TFAP2D: variants seen among roughly 807,000 people sequenced by gnomAD.
The protein encoded by TFAP2D is transcription factor AP-2 delta, also known as transcription factor AP-2-delta.
A neutral mutation model predicts 43.6 loss-of-function variants in TFAP2D; 9 were observed. That is an observed-to-expected ratio of 0.21 (90% confidence interval 0.12 to 0.36). The LOEUF (loss-of-function observed/expected upper bound fraction) is 0.36, where lower values mean the gene tolerates loss of function less well. Ranked by LOEUF, TFAP2D falls within the 10% of genes least tolerant of loss-of-function variation. The pLI is 1.00. For missense variants in TFAP2D, 513 were observed against 561.4 expected, an observed-to-expected ratio of 0.91 and a Z score of 0.87; for synonymous variants, 256 against 224.9, an observed-to-expected ratio of 1.14 and a Z score of -1.24.
At chr6:50,718,160 C>G (rs1768657869) in intron 2 of TFAP2D, 1 of 151,362 alleles carries the variant, frequency 6.6e-6, no homozygotes, top group African/African-American at 2.4e-5. Flanking sequence ...CACTTTAAGG[C>G]AGAACATTTA....
intron 4 of TFAP2D, 40 bp from the exon 5 acceptor site, chr6:50,729,154 G>A: frequency 6.2e-7 from 1 of 1,608,848 alleles, no homozygotes; most frequent in Non-Finnish European, 8.5e-7. Context: ...TCATCAGAAT[G>A]TGAAATTTCA....
intron 7 of TFAP2D, among the ~76,000 whole-genome samples, chr6:50,759,501 T>G (rs1236216389): frequency 1.3e-5 from 2 of 152,108 alleles, no homozygotes; most frequent in African/African-American, 2.4e-5. Context: ...CTGCTTTTTA[T>G]GTTTTCTCAA....
At chr6:50,753,614 AGT>A (rs71850386) in intron 7 of TFAP2D, among the ~76,000 whole-genome samples, 46,018 of 151,598 alleles carry the variant, frequency 0.3, 7,138 homozygotes, top group East Asian at 0.43. Flanking sequence ...TGAAAAAGAA[AGT>A]GAGATTATAT....
chr6:50,750,286 C>T (rs1309951455), intron 6 of TFAP2D, among the ~76,000 whole-genome samples: 3 of 151,764 alleles, frequency 2.0e-5, no homozygotes, highest in Non-Finnish European at 2.9e-5. Context: ...TACATTTTTG[C>T]GACTGCCCAT....
rs1768570811 is a variant in TFAP2D, at chr6:50,713,976, T to C, written c.-80T>C. 3.1e-6 allele frequency: 5 copies of C among 1,588,686 alleles called. No homozygotes were observed. Among genetic ancestry groups the C allele is most frequent in the Non-Finnish European group, 4.3e-6 (5 of 1,162,460 alleles). On this transcript the variant is annotated 5_prime_UTR_variant, in exon 1 of 8. Transcript: ENST00000008391. ...TTTTTTTCCTTTAAAAATTGGAAAA[T>C]ACAAGAAGTTTGGATTTTTTTTTCC...
At chr6:50,766,188 TTG>T (rs1769438758) in intron 7 of TFAP2D, among the ~76,000 whole-genome samples, 1 of 152,204 alleles carries the variant, frequency 6.6e-6, no homozygotes, top group African/African-American at 2.4e-5. Flanking sequence ...ATATGAGGGT[TTG>T]TTTCTAGACT....
In TFAP2D at chr6:50,715,266, C is replaced by A; in HGVS notation, c.190C>A (p.His64Asn). 2 of 1,613,998 alleles carry A rather than the reference C, an allele frequency of 1.2e-6. No homozygotes were observed. Among genetic ancestry groups the A allele is most frequent in the Non-Finnish European group, 8.5e-7 (1 of 1,179,970 alleles). ...TGCGTCCCCCTACTTCTCCACTAAC[C>A]ACCAGTACACCCCGCTCCACCACCA... ...EFASPYFSTN[H>N]QYTPLHHQSF... The change falls in exon 2 of 8, where the codon CAC (histidine) becomes AAC (asparagine). Residue 64 changes from histidine (H) to asparagine (N), a missense_variant. By Grantham distance (68) the His-to-Asn change is moderately conservative. Coordinates refer to ENST00000008391, the MANE Select transcript of TFAP2D (RefSeq NM_172238.4).
Position 50,715,478 on chromosome 6 carries a change from G to A in TFAP2D, c.402G>A (p.Leu134=), listed in dbSNP as rs750234991. ...GCCTGGACGAGCAGAGGCGGGAGCT[G>A]GGCTGCCTCGATGCCTACCGCCGCC... ...SSCLDEQRRE[L]GCLDAYRRHD... Residue 134 remains leucine, a synonymous_variant, in exon 2 of 8, where the codon CTG becomes CTA. Transcript: ENST00000008391. The A allele has an allele frequency of 1.2e-6, 2 of 1,613,912 alleles. No homozygotes were observed. Among genetic ancestry groups the A allele is most frequent in the South Asian group, 2.2e-5 (2 of 91,076 alleles).
intron 7 of TFAP2D, among the ~76,000 whole-genome samples, chr6:50,752,124 T>G (rs1769208634): frequency 6.6e-6 from 1 of 151,912 alleles, no homozygotes; most frequent in Admixed American, 6.6e-5. Context: ...GGTTCTTAAG[T>G]TAGACCACAC....
intron 6 of TFAP2D, among the ~76,000 whole-genome samples, chr6:50,750,705 T>C (rs956557054): frequency 1.1e-4 from 16 of 151,964 alleles, no homozygotes; most frequent in Non-Finnish European, 2.4e-4. Flanking sequence ...AAATTACTGG[T>C]GATTATCTGC....
At chr6:50,718,717 C>A (rs1185666315) in intron 2 of TFAP2D, among the ~76,000 whole-genome samples, 1 of 152,140 alleles carries the variant, frequency 6.6e-6, no homozygotes, top group Non-Finnish European at 1.5e-5. Flanking sequence ...ACTTGACACT[C>A]TAGGTGTAAT....
chr6:50,734,323 T>C (rs1307136944), intron 5 of TFAP2D, among the ~76,000 whole-genome samples: 1 of 152,060 alleles, frequency 6.6e-6, no homozygotes, highest in Non-Finnish European at 1.5e-5. Context: ...GACTGGTTAC[T>C]TAACCTAGCT....
In TFAP2D at chr6:50,715,559, A is replaced by T. The variant is rs1327142161; in HGVS notation, c.483A>T (p.Arg161Ser). The T allele has an allele frequency of 2.5e-6, 4 of 1,607,904 alleles. No homozygotes were observed. Among genetic ancestry groups the T allele is most frequent in the African/African-American group, 2.7e-5 (2 of 74,516 alleles). The change falls in exon 2 of 8, where the codon AGA becomes AGT. Residue 161 changes from arginine to serine, a missense_variant. Arg to Ser is a moderately radical substitution (Grantham distance 110, BLOSUM62 -1). Around this residue, in one of 3 missense-constraint regions of TFAP2D, gnomAD observed 311 missense variants for 316.2 expected, o/e 0.98. Coordinates refer to ENST00000008391, the MANE Select transcript of TFAP2D (RefSeq NM_172238.4). ...GSQYGMHPDQ[R>S]LLPGPSLGLA... The stretch of plus-strand genomic sequence containing the variant: ...AGTATGGAATGCACCCAGATCAAAG[A>T]CTCCTGCCAGGGCCCAGCCTGGGGC...
intron 7 of TFAP2D, among the ~76,000 whole-genome samples, chr6:50,759,007 A>G (rs539295005): frequency 2.0e-5 from 3 of 151,984 alleles, no homozygotes; most frequent in Non-Finnish European, 4.4e-5. Flanking sequence ...AGGGCTTTTG[A>G]TGAATTTTTA....
At chr6:50,770,040 A>T (rs1256710243) in intron 7 of TFAP2D, among the ~76,000 whole-genome samples, 1 of 152,200 alleles carries the variant, frequency 6.6e-6, no homozygotes, top group Non-Finnish European at 1.5e-5. Context: ...AAGAAAATTT[A>T]AAAAGGAGCT....
chr6:50,745,605 TA>T (rs1769114789), intron 6 of TFAP2D, among the ~76,000 whole-genome samples: 1 of 152,122 alleles, frequency 6.6e-6, no homozygotes, highest in African/African-American at 2.4e-5. Flanking sequence ...TTTGCCTTAA[TA>T]AATGAGGGTA....
intron 5 of TFAP2D, among the ~76,000 whole-genome samples, chr6:50,739,074 C>CT (rs962934616): frequency 2.6e-5 from 4 of 152,126 alleles, no homozygotes; most frequent in African/African-American, 7.2e-5. Context: ...GGGTGAAACA[C>CT]TTTTTTTTCT....
intron 6 of TFAP2D, among the ~76,000 whole-genome samples, chr6:50,745,911 A>G (rs1769119562): frequency 6.6e-6 from 1 of 152,174 alleles, no homozygotes; most frequent in Admixed American, 6.6e-5. Flanking sequence ...GAAAGGGGGA[A>G]GCTTGCATAA....
At chr6:50,722,765 G>A (rs762989239) in intron 3 of TFAP2D, among the ~76,000 whole-genome samples, 12 of 151,332 alleles carry the variant, frequency 7.9e-5, no homozygotes, top group Non-Finnish European at 1.5e-4. Context: ...GGTGGAAAGT[G>A]ACATTTTGGC....
Sources: allele counts gnomAD v4.1 joint callset (sites outside exome capture counted in the v4.1 genomes callset), GRCh38; gene constraint gnomAD v4.1.1; regional missense constraint gnomAD v4.1.1; transcripts MANE v1.5; gene names NCBI Gene and HGNC (gene_info 2026-07-23, HGNC 2026-07-21).